The following EPHA3 variants were observed in gnomAD, a reference collection of about 807,000 sequenced individuals.
The protein encoded by EPHA3 is EPH receptor A3.
A neutral mutation model predicts 107.1 loss-of-function variants in EPHA3; 42 were observed. That is an observed-to-expected ratio of 0.39 (90% CI 0.31 to 0.51). The LOEUF (loss-of-function observed/expected upper bound fraction) is 0.51, where lower values mean the gene tolerates loss of function less well. Among genes scored for constraint, EPHA3 ranks in the 20% least tolerant of loss-of-function variants. EPHA3 has a pLI of 0.78. For missense variants in EPHA3, 1,183 were observed against 1,211.2 expected, an observed-to-expected ratio of 0.98 and a Z score of 0.35; for synonymous variants, 461 against 424.8, an observed-to-expected ratio of 1.09 and a Z score of -1.05.
chr3:89,460,327 G>A (rs1271528454), intron 15 of EPHA3, among the ~76,000 whole-genome samples: 3 of 144,132 alleles, frequency 2.1e-5, no homozygotes, highest in African/African-American at 7.8e-5. Flanking sequence ...TATTTAGAAC[G>A]AGGTTTTAAA....
intron 11 of EPHA3, among the ~76,000 whole-genome samples, chr3:89,422,164 C>T (rs548556753): frequency 1.2e-3 from 175 of 149,184 alleles, no homozygotes; most frequent in African/African-American, 4.1e-3. Flanking sequence ...ATAGAAACTC[C>T]TTACAATAAA....
chr3:89,338,762 T>A (rs1354798011), intron 3 of EPHA3, among the ~76,000 whole-genome samples: 3 of 152,168 alleles, frequency 2.0e-5, no homozygotes, highest in Non-Finnish European at 4.4e-5. Context: ...TTAGCCAAGA[T>A]GGTCTCGATC....
intron 2 of EPHA3, among the ~76,000 whole-genome samples, chr3:89,154,187 T>C (rs763213949): frequency 6.6e-6 from 1 of 152,032 alleles, no homozygotes; most frequent in Non-Finnish European, 1.5e-5. Context: ...ATTTACTTGT[T>C]ACTGTTATTA....
chr3:89,321,459 A>G (rs1707041987), intron 3 of EPHA3, among the ~76,000 whole-genome samples: 1 of 151,998 alleles, frequency 6.6e-6, no homozygotes, highest in African/African-American at 2.4e-5. Context: ...TTCTGATACC[A>G]CTCCATTAAG....
At chr3:89,339,874 T>G in intron 3 of EPHA3, among the ~76,000 whole-genome samples, 1 of 152,196 alleles carries the variant, frequency 6.6e-6, no homozygotes, top group Non-Finnish European at 1.5e-5. Context: ...AAATTGAGCT[T>G]TAGAAGTTTT....
chr3:89,201,472 G>A (rs891843679), intron 2 of EPHA3, among the ~76,000 whole-genome samples: 2 of 152,100 alleles, frequency 1.3e-5, no homozygotes, highest in Non-Finnish European at 2.9e-5. Context: ...CATTAAATGA[G>A]GCAGTACTAA....
intron 5 of EPHA3, among the ~76,000 whole-genome samples, chr3:89,363,481 C>T (rs1369784066): frequency 6.6e-6 from 1 of 150,748 alleles, no homozygotes; most frequent in African/African-American, 2.4e-5. Context: ...TCTCTTAAGG[C>T]CTTCAACGGA....
rs1709895716 is a variant in EPHA3, at chr3:89,447,410, CT to C, written c.2347-1814del. On this transcript the variant is annotated intron_variant, in intron 13 of 16. Transcript: ENST00000336596. ...CTTGCATTCTTCATGACTGTGTAAGCTCTACCTTTTCAAAGAGCTTCTGGCA... is the reference window on the plus strand; with the variant it reads ...CTTGCATTCTTCATGACTGTGTAAGCCTACCTTTTCAAAGAGCTTCTGGCA... Among the ~76,000 whole-genome samples the C allele has an allele frequency of 2.0e-5, 3 of 152,074 alleles. No homozygotes were observed. The South Asian group carries it at 6.2e-4, about 31-fold the overall frequency.
intron 15 of EPHA3, among the ~76,000 whole-genome samples, chr3:89,451,907 TTG>T (rs376043217): frequency 2.1e-5 from 3 of 144,318 alleles, no homozygotes; most frequent in Admixed American, 6.9e-5. Context: ...GTGTGTGTGT[TTG>T]TGTGTGTGTG....
At chr3:89,167,678 G>C (rs773149114) in intron 2 of EPHA3, among the ~76,000 whole-genome samples, 1 of 152,026 alleles carries the variant, frequency 6.6e-6, no homozygotes. Context: ...AGAATTTCAA[G>C]GGTTCCTTCC....
At chr3:89,209,775 T>G (rs1011211423) in intron 2 of EPHA3, 85 bp from the exon 3 acceptor site, 30 of 1,150,050 alleles carry the variant, frequency 2.6e-5, no homozygotes, top group Non-Finnish European at 2.9e-5. Context: ...TGATTTATTA[T>G]ATAGAGATGG....
rs1708196721 is a variant in EPHA3 at position 89,366,971 on chromosome 3, A to G, written c.1306+24881A>G. 4.0e-5 allele frequency among the ~76,000 whole-genome samples: 6 copies of G among 150,732 alleles called. No homozygotes were observed. The South Asian group carries it at 1.3e-3, about 31-fold the overall frequency. On this transcript the variant is annotated intron_variant, in intron 5 of 16. Coordinates refer to ENST00000336596, the MANE Select transcript of EPHA3 (RefSeq NM_005233.6). Reference sequence around the variant, plus strand: ...CCAGCACAAACTCTCTTCTATTTCTATAACATTCTTCCTATCTTCACTTGA... The same window carrying G: ...CCAGCACAAACTCTCTTCTATTTCTGTAACATTCTTCCTATCTTCACTTGA...
intron 2 of EPHA3, among the ~76,000 whole-genome samples, chr3:89,165,470 A>C (rs11714463): frequency 2.0e-5 from 3 of 152,204 alleles, no homozygotes; most frequent in Non-Finnish European, 2.9e-5. Context: ...CAATGCTATC[A>C]CCATAGAACA....
chr3:89,322,312 C>A (rs1707062321), intron 3 of EPHA3, among the ~76,000 whole-genome samples: 1 of 151,982 alleles, frequency 6.6e-6, no homozygotes, highest in African/African-American at 2.4e-5. Flanking sequence ...GATACTTATG[C>A]CCTAGGATTT....
intron 11 of EPHA3, among the ~76,000 whole-genome samples, chr3:89,421,749 A>G (rs981216021): frequency 1.3e-4 from 20 of 151,344 alleles, no homozygotes; most frequent in African/African-American, 4.8e-4. Flanking sequence ...TAAACTATAA[A>G]TGTTGTGGCA....
At chr3:89,329,228 C>T (rs1436013248) in intron 3 of EPHA3, among the ~76,000 whole-genome samples, 1 of 152,044 alleles carries the variant, frequency 6.6e-6, no homozygotes, top group Non-Finnish European at 1.5e-5. Flanking sequence ...CATTTTAACA[C>T]ACACAAACAC....
intron 5 of EPHA3, 85 bp downstream of exon 5, chr3:89,342,175 GAAAA>G (rs750718124): frequency 1.6e-6 from 2 of 1,257,742 alleles, no homozygotes; most frequent in Non-Finnish European, 1.1e-6. Flanking sequence ...TGGGCGGAAG[GAAAA>G]AAAGATTTTA....
chr3:89,355,788 T>TC (rs1707934450), intron 5 of EPHA3, among the ~76,000 whole-genome samples: 2 of 149,674 alleles, frequency 1.3e-5, no homozygotes, highest in South Asian at 4.2e-4. Context: ...AAATAGAAAC[T>TC]CTTTTTTTTT....
At chr3:89,428,206 G>A (rs542823126) in intron 11 of EPHA3, among the ~76,000 whole-genome samples, 1 of 151,858 alleles carries the variant, frequency 6.6e-6, no homozygotes, top group Non-Finnish European at 1.5e-5. Flanking sequence ...ATCAGTTTCC[G>A]AAAGTGACAG....
Sources: allele counts gnomAD v4.1 joint callset (sites outside exome capture counted in the v4.1 genomes callset), GRCh38; gene constraint gnomAD v4.1.1; transcripts MANE v1.5; gene names NCBI Gene and HGNC (gene_info 2026-07-23, HGNC 2026-07-21).